Variants in KANSL1 observed in about 807,000 individuals in gnomAD.
KANSL1 encodes the protein KAT8 regulatory NSL complex subunit 1.
A neutral mutation model predicts 103.6 loss-of-function variants in KANSL1; 22 were observed. That is an observed-to-expected ratio of 0.21 (90% CI 0.15 to 0.30). The LOEUF is 0.30. Among genes scored for constraint, KANSL1 ranks in the 10% least tolerant of loss-of-function variants. The pLI, the probability that KANSL1 is intolerant of heterozygous loss-of-function variation, is 1.00. For synonymous variants in KANSL1, 600 were observed against 527.6 expected (o/e 1.14, Z -1.88); for missense variants, 1,337 against 1,399.8 (o/e 0.96, Z 0.72).
At chr17:46,091,077 G>A (rs1353561290) in intron 3 of KANSL1, among the ~76,000 whole-genome samples, 4 of 152,226 alleles carry the variant, frequency 2.6e-5, no homozygotes, top group Non-Finnish European at 4.4e-5. Context: ...TGAAAGCTCC[G>A]TGTGTGTTGT....
chr17:46,062,091 C>CAAAAAAAAAAAAAAAAAAAAA (rs35638067), intron 6 of KANSL1, among the ~76,000 whole-genome samples: 1 of 70,080 alleles, frequency 1.4e-5, no homozygotes, highest in African/African-American at 7.0e-5. Context: ...GACTCCGACT[C>CAAAAAAAAAAAAAAAAAAAAA]AAAAAAAAAA....
At chr17:46,141,285 T>C (rs1247182818) in intron 2 of KANSL1, among the ~76,000 whole-genome samples, 2 of 152,222 alleles carry the variant, frequency 1.3e-5, no homozygotes, top group Non-Finnish European at 2.9e-5. Context: ...AGGAAGCATT[T>C]ACACTCAGAG....
intron 2 of KANSL1, among the ~76,000 whole-genome samples, chr17:46,131,126 G>C (rs1243643875): frequency 6.6e-6 from 1 of 152,120 alleles, no homozygotes; most frequent in Non-Finnish European, 1.5e-5. Flanking sequence ...TATCAGAGAA[G>C]TGACAAAATT....
intron 1 of KANSL1, among the ~76,000 whole-genome samples, chr17:46,192,227 G>A (rs2047369383): frequency 6.6e-6 from 1 of 151,812 alleles, no homozygotes; most frequent in African/African-American, 2.4e-5. Flanking sequence ...TCAAAAGACC[G>A]TCAGCCGGAA....
chr17:46,046,840 T>TAAATA (rs2077528472), intron 7 of KANSL1, among the ~76,000 whole-genome samples: 2 of 118,690 alleles, frequency 1.7e-5, no homozygotes, highest in Non-Finnish European at 3.4e-5. Flanking sequence ...GTCTCAAAAG[T>TAAATA]AAAAAAAAAA....
intron 6 of KANSL1, among the ~76,000 whole-genome samples, chr17:46,055,014 C>G (rs2077867329): frequency 1.3e-5 from 2 of 151,928 alleles, no homozygotes; most frequent in African/African-American, 4.8e-5. Context: ...CAACACCTGA[C>G]TAATGTTTGT....
At chr17:46,104,238 A>C (rs913724390) in intron 2 of KANSL1, among the ~76,000 whole-genome samples, 2 of 152,228 alleles carry the variant, frequency 1.3e-5, no homozygotes, top group African/African-American at 4.8e-5. Flanking sequence ...CATGGTAAAC[A>C]TATACATATT....
chr17:46,076,389 G>A (rs753584546), intron 4 of KANSL1, among the ~76,000 whole-genome samples: 4 of 151,752 alleles, frequency 2.6e-5, no homozygotes, highest in African/African-American at 7.3e-5. Flanking sequence ...CCAGCTACTC[G>A]GGAGGCTGAG....
In KANSL1 at chr17:46,061,862, C is replaced by G. The variant is rs571438447; in HGVS notation, c.1848+4675G>C. Among the ~76,000 whole-genome samples, 221 of 152,180 alleles carry G rather than the reference C, an allele frequency of 1.5e-3. 1 individual carries two copies. Among genetic ancestry groups the G allele is most frequent in the African/African-American group, 5.1e-3 (213 of 41,524 alleles). On this transcript the variant is annotated intron_variant, in intron 6 of 14. Transcript: ENST00000432791. ...ATCCCAGCACTTTGGGAGGCCAAGG[C>G]GGATGGATCAGCTGAAGTCAGGAGT...
chr17:46,132,277 A>C (rs2147281606), intron 2 of KANSL1, among the ~76,000 whole-genome samples: 1 of 152,348 alleles, frequency 6.6e-6, no homozygotes, highest in East Asian at 1.9e-4. Flanking sequence ...CCAACCCTTT[A>C]AAGGAAGATA....
intron 2 of KANSL1, among the ~76,000 whole-genome samples, chr17:46,114,251 C>T (rs754231404): frequency 1.3e-5 from 2 of 152,076 alleles, no homozygotes; most frequent in South Asian, 2.1e-4. Flanking sequence ...CCCAGCTACT[C>T]GGGAGGCTGA....
Position 46,031,386 on chromosome 17 carries a change from C to T in KANSL1, c.*90G>A. ...AGTTCACTAAAAACTGTGAAAATTT[C>T]CGGCATATGATGTTTGAATATCAAA... On this transcript the variant is annotated 3_prime_UTR_variant, in exon 15 of 15. Coordinates refer to ENST00000432791, the MANE Select transcript of KANSL1 (RefSeq NM_015443.4). The T allele has an allele frequency of 1.7e-6, 2 of 1,204,374 alleles. No homozygotes were observed. The highest frequency in any genetic ancestry group is 1.6e-5 in the South Asian group (1 of 61,078). 74.6% of individuals were successfully genotyped at this position (1,204,374 alleles called of 1,614,324 possible).
At chr17:46,064,916 T>C (rs1442309659) in intron 6 of KANSL1, among the ~76,000 whole-genome samples, 2 of 152,064 alleles carry the variant, frequency 1.3e-5, no homozygotes, top group African/African-American at 4.8e-5. Context: ...AGTTTTAGGG[T>C]ACATGTGCAC....
chr17:46,031,228 A>G lies in KANSL1; in HGVS notation c.*248T>C. 5 of 579,360 alleles carry G rather than the reference A, an allele frequency of 8.6e-6. No homozygotes were observed. In the South Asian group the frequency reaches 1.1e-4, roughly 12 times the overall value. 35.9% of individuals were successfully genotyped at this position (579,360 alleles called of 1,614,324 possible). A position where few individuals can be genotyped will look rare whatever the true frequency, so the allele number is the denominator to read the frequency against. ...GAGGATGTGCCAGGACCAGGCCAGC[A>G]GGGTCTCATCCTGAACTTCTGTTTG... On this transcript the variant is annotated 3_prime_UTR_variant, in exon 15 of 15. Transcript: ENST00000432791.
intron 9 of KANSL1, 160 bp downstream of exon 9, chr17:46,038,867 G>C: frequency 8.9e-7 from 1 of 1,121,396 alleles, no homozygotes; most frequent in Non-Finnish European, 1.3e-6. Flanking sequence ...TGCTGTAGCA[G>C]TTAAGAAGTG....
At chr17:46,091,920 G>A (rs781620842) in intron 3 of KANSL1, among the ~76,000 whole-genome samples, 37 of 149,564 alleles carry the variant, frequency 2.5e-4, no homozygotes, top group Non-Finnish European at 3.2e-4. Context: ...AGGTTCAAGT[G>A]ATTCTCCTGT....
chr17:46,033,428 C>T lies in KANSL1; in HGVS notation c.2699G>A (p.Gly900Glu). ...WREVDLQSLK[G>E]SPDEENEEIE... ...CTCTTCATTCTCCTCATCAGGACTC[C>T]CCTTCAGAGACTGAAGATCAACCTC... The change falls in exon 12 of 15, where the codon GGG (glycine) becomes GAG (glutamate). Residue 900 changes from glycine to glutamate, a missense_variant. Gly to Glu is a moderately conservative substitution (Grantham distance 98). Transcript: ENST00000432791. 1.9e-6 allele frequency: 3 copies of T among 1,614,162 alleles called. 1 individual carries two copies. The highest frequency in any genetic ancestry group is 2.5e-6 in the Non-Finnish European group (3 of 1,180,006).
intron 2 of KANSL1, among the ~76,000 whole-genome samples, chr17:46,142,632 A>C (rs2044483729): frequency 6.6e-6 from 1 of 152,218 alleles, no homozygotes; most frequent in Non-Finnish European, 1.5e-5. Context: ...ACAAAACAAA[A>C]CATTACAACA....
intron 2 of KANSL1, among the ~76,000 whole-genome samples, chr17:46,126,804 G>C (rs556254062): frequency 5.9e-4 from 90 of 152,238 alleles, no homozygotes; most frequent in African/African-American, 2.1e-3. Flanking sequence ...TAAACAGCCC[G>C]CAAGTTTAGC....
Sources: allele counts gnomAD v4.1 joint callset (sites outside exome capture counted in the v4.1 genomes callset), GRCh38; gene constraint gnomAD v4.1.1; transcripts MANE v1.5; gene names NCBI Gene and HGNC (gene_info 2026-07-23, HGNC 2026-07-21).